SLC25A13: variants seen among roughly 807,000 people sequenced by gnomAD.
SLC25A13 encodes solute carrier family 25 member 13.
In SLC25A13, 70 loss-of-function variants were observed where a neutral mutation model predicts 85.5. That is an observed-to-expected ratio of 0.82 (90% CI 0.68 to 1.00). The LOEUF is 1.00. Among genes scored for constraint, SLC25A13 ranks in the 50% least tolerant of loss-of-function variants. The probability of loss-of-function intolerance (pLI) is 0.00; values close to 1 mark genes in which losing one functional copy is unlikely to be tolerated. For missense variants in SLC25A13, 765 were observed against 819.8 expected (o/e 0.93, Z 0.82); for synonymous variants, 259 against 288.7 (o/e 0.90, Z 1.04).
At chr7:96,291,323 G>A (rs1211351949) in intron 2 of SLC25A13, among the ~76,000 whole-genome samples, 1 of 152,176 alleles carries the variant, frequency 6.6e-6, no homozygotes, top group African/African-American at 2.4e-5. Context: ...CACAAGAGAA[G>A]CAGGAAACAT....
intron 10 of SLC25A13, 199 bp from the exon 11 acceptor site, chr7:96,184,634 T>A (rs990653169): frequency 1.5e-6 from 1 of 648,282 alleles, no homozygotes; most frequent in African/African-American, 1.8e-5. Context: ...AATAAAAGGA[T>A]GTCATAGATA....
intron 8 of SLC25A13, 81 bp from the exon 9 acceptor site, chr7:96,189,459 T>G (rs1319168968): frequency 6.4e-7 from 1 of 1,554,392 alleles, no homozygotes; most frequent in Admixed American, 1.7e-5. Flanking sequence ...ACATCCCTTT[T>G]TTCATTTCTC....
chr7:96,218,261 TGAGCTCATATG>T (rs1332500681), intron 4 of SLC25A13, among the ~76,000 whole-genome samples: 1 of 152,184 alleles, frequency 6.6e-6, no homozygotes, highest in Non-Finnish European at 1.5e-5. Context: ...CATCCTTTCT[TGAGCTCATATG>T]CTAAAATTTT....
chr7:96,229,989 C>T (rs990755545), intron 4 of SLC25A13, among the ~76,000 whole-genome samples: 1 of 152,030 alleles, frequency 6.6e-6, no homozygotes, highest in Non-Finnish European at 1.5e-5. Flanking sequence ...TTTCTGTGAC[C>T]GAGCAAGTCT....
At chr7:96,320,235 G>A (rs1800286693) in intron 1 of SLC25A13, among the ~76,000 whole-genome samples, 1 of 152,096 alleles carries the variant, frequency 6.6e-6, no homozygotes, top group African/African-American at 2.4e-5. Context: ...TCGAACTCCT[G>A]GCCTCAACTG....
intron 1 of SLC25A13, among the ~76,000 whole-genome samples, chr7:96,319,207 T>C (rs887624663): frequency 1.3e-5 from 2 of 152,162 alleles, no homozygotes; most frequent in African/African-American, 4.8e-5. Context: ...CAGACATATA[T>C]CTGTGGTCAC....
At chr7:96,145,737 C>T (rs1362273238) in intron 14 of SLC25A13, among the ~76,000 whole-genome samples, 1 of 152,124 alleles carries the variant, frequency 6.6e-6, no homozygotes, top group African/African-American at 2.4e-5. Flanking sequence ...TTAAATGGAG[C>T]TCAAGATGCT....
At chr7:96,289,521 G>C (rs1236251466) in intron 2 of SLC25A13, among the ~76,000 whole-genome samples, 1 of 152,144 alleles carries the variant, frequency 6.6e-6, no homozygotes, top group African/African-American at 2.4e-5. Flanking sequence ...AAAAAGATTG[G>C]ACGAAAGGCT....
intron 14 of SLC25A13, among the ~76,000 whole-genome samples, chr7:96,134,633 CCTT>C (rs1487975177): frequency 6.6e-6 from 1 of 151,706 alleles, no homozygotes; most frequent in Admixed American, 6.6e-5. Context: ...CTGAGAACCT[CCTT>C]CTTCTTCCTT....
chr7:96,147,290 A>G (rs949601117), intron 13 of SLC25A13, among the ~76,000 whole-genome samples: 29 of 152,196 alleles, frequency 1.9e-4, no homozygotes, highest in African/African-American at 7.0e-4. Context: ...ATGGAGTTAC[A>G]TATTCTTAAA....
Position 96,121,096 on chromosome 7 carries a change from G to A in SLC25A13, c.*95C>T, listed in dbSNP as rs568872413. 2 of 1,328,378 alleles carry A rather than the reference G, an allele frequency of 1.5e-6. No homozygotes were observed. The highest frequency in any genetic ancestry group is 1.2e-5 in the South Asian group (1 of 84,122). The allele number at this position is 1,328,378 out of a possible 1,614,324, so 82.3% of individuals were successfully genotyped here. Reference sequence around the variant, plus strand: ...TGGACTTGAATTTAAACAAGAGATGGACGTAAAAGGGATGAAGCATTGCTT... The same window carrying A: ...TGGACTTGAATTTAAACAAGAGATGAACGTAAAAGGGATGAAGCATTGCTT... On this transcript the variant is annotated 3_prime_UTR_variant, in exon 18 of 18. Transcript: ENST00000265631.
At chr7:96,127,634 T>C (rs898007633) in intron 15 of SLC25A13, among the ~76,000 whole-genome samples, 3 of 152,216 alleles carry the variant, frequency 2.0e-5, no homozygotes, top group African/African-American at 7.2e-5. Context: ...GTCATATTCA[T>C]TTAATCACAG....
intron 15 of SLC25A13, among the ~76,000 whole-genome samples, chr7:96,123,063 C>T (rs1791580875): frequency 6.6e-6 from 1 of 152,152 alleles, no homozygotes; most frequent in South Asian, 2.1e-4. Flanking sequence ...AATCTGCATA[C>T]TACACGCTTC....
chr7:96,251,259 A>G (rs988259390), intron 3 of SLC25A13, among the ~76,000 whole-genome samples: 2 of 152,166 alleles, frequency 1.3e-5, no homozygotes, highest in Non-Finnish European at 2.9e-5. Flanking sequence ...AATTAAGGGA[A>G]AGAGCAGCAG....
chr7:96,285,825 A>G (rs1234209833), intron 2 of SLC25A13, among the ~76,000 whole-genome samples: 1 of 152,212 alleles, frequency 6.6e-6, no homozygotes, highest in African/African-American at 2.4e-5. Flanking sequence ...GCAGGCACTC[A>G]ATACACATCT....
At chr7:96,263,231 C>T (rs759477230) in intron 3 of SLC25A13, among the ~76,000 whole-genome samples, 2 of 152,094 alleles carry the variant, frequency 1.3e-5, no homozygotes, top group Non-Finnish European at 2.9e-5. Flanking sequence ...GACCAACAGT[C>T]CCGGACACCC....
intron 1 of SLC25A13, among the ~76,000 whole-genome samples, chr7:96,304,570 T>C (rs1799670226): frequency 1.3e-5 from 2 of 152,310 alleles, no homozygotes; most frequent in East Asian, 3.9e-4. Context: ...TTACTATTAT[T>C]GTTATTAAGC....
At chr7:96,187,610 T>C (rs1258599230) in intron 9 of SLC25A13, among the ~76,000 whole-genome samples, 2 of 152,142 alleles carry the variant, frequency 1.3e-5, no homozygotes, top group Non-Finnish European at 2.9e-5. Context: ...CTGAAAATTA[T>C]AGAGGGTGGG....
At chr7:96,304,108 T>C (rs1222233567) in intron 1 of SLC25A13, among the ~76,000 whole-genome samples, 1 of 152,162 alleles carries the variant, frequency 6.6e-6, no homozygotes, top group African/African-American at 2.4e-5. Context: ...TTGAAACCAC[T>C]GAGTCACTCA....
Sources: allele counts gnomAD v4.1 joint callset (sites outside exome capture counted in the v4.1 genomes callset), GRCh38; gene constraint gnomAD v4.1.1; transcripts MANE v1.5; gene names NCBI Gene and HGNC (gene_info 2026-07-23, HGNC 2026-07-21).